PITPNC1: variants seen among roughly 807,000 people sequenced by gnomAD.
The protein encoded by PITPNC1 is phosphatidylinositol transfer protein cytoplasmic 1.
Under a neutral mutation model 44.7 loss-of-function variants are expected in PITPNC1, and 18 were observed. The observed-to-expected ratio is 0.40, with a 90% confidence interval of 0.28 to 0.60. The LOEUF (loss-of-function observed/expected upper bound fraction) is 0.60. Among genes scored for constraint, PITPNC1 ranks in the 20% least tolerant of loss-of-function variants. The pLI is 0.39. For missense variants in PITPNC1, 290 were observed against 418.4 expected, an observed-to-expected ratio of 0.69 and a Z score of 2.68; for synonymous variants, 141 against 149.6, an observed-to-expected ratio of 0.94 and a Z score of 0.42.
chr17:67,444,436 G>C (rs983524411), intron 1 of PITPNC1, among the ~76,000 whole-genome samples: 1 of 152,076 alleles, frequency 6.6e-6, no homozygotes, highest in Admixed American at 6.6e-5. Context: ...GTGGCGGAGG[G>C]GGGTGAGCAG....
At position 67,635,987 on chromosome 17, in the gene PITPNC1, G is replaced by A. The variant is rs574867948; in HGVS notation, c.462+3749G>A. Among the ~76,000 whole-genome samples, 12 of 152,246 alleles carry A rather than the reference G, an allele frequency of 7.9e-5. No individual in the cohort carries two copies. In the South Asian group the frequency reaches 2.3e-3, roughly 29 times the overall value. On this transcript the variant is annotated intron_variant, in intron 6 of 8. Coordinates refer to ENST00000581322, the MANE Select transcript of PITPNC1 (RefSeq NM_012417.4). ...GCTAAAATCCTCTACAGCACAGAAA[G>A]CCCCTCACAACAAAGAATTATCTGG...
chr17:67,494,189 C>CTTTCTTTCTTTCTTTCTTTCTTTCTTTCT lies in PITPNC1; in HGVS notation c.49-38586_49-38585insCTTTTCTTTCTTTCTTTCTTTCTTTCTTT, dbSNP rs1568012897. Among the ~76,000 whole-genome samples, 28 of 62,134 alleles carry CTTTCTTTCTTTCTTTCTTTCTTTCTTTCT rather than the reference C, an allele frequency of 4.5e-4. 4 individuals are homozygous for CTTTCTTTCTTTCTTTCTTTCTTTCTTTCT. Among genetic ancestry groups the CTTTCTTTCTTTCTTTCTTTCTTTCTTTCT allele is most frequent in the African/African-American group, 1.4e-3 (27 of 19,514 alleles). 40.8% of individuals were successfully genotyped at this position (62,134 alleles called of 152,430 possible). ...TTTCTTTCTTTCTTTCTTTCTTTTT[C>CTTTCTTTCTTTCTTTCTTTCTTTCTTTCT]TTTCTTTCTTTCTTTCTTTCTTTCT... On this transcript the variant is annotated intron_variant, in intron 1 of 8. Transcript: ENST00000581322.
chr17:67,388,119 G>A (rs901256896), intron 1 of PITPNC1, among the ~76,000 whole-genome samples: 3 of 151,966 alleles, frequency 2.0e-5, no homozygotes, highest in African/African-American at 4.8e-5. Context: ...TCCTGTAAAA[G>A]GTTTAAAATT....
chr17:67,379,408 A>G (rs778303155), intron 1 of PITPNC1: 10 of 981,156 alleles, frequency 1.0e-5, no homozygotes, highest in Non-Finnish European at 1.2e-5. Flanking sequence ...ACCCAAGTAC[A>G]ATCCAAGACA....
chr17:67,449,079 C>A (rs377267540), intron 1 of PITPNC1, among the ~76,000 whole-genome samples: 59 of 152,314 alleles, frequency 3.9e-4, no homozygotes, highest in African/African-American at 1.2e-3. Flanking sequence ...GTACATTGAT[C>A]TTCTAAGTAT....
chr17:67,510,168 A>C (rs771105951), intron 1 of PITPNC1, among the ~76,000 whole-genome samples: 1 of 152,146 alleles, frequency 6.6e-6, no homozygotes, highest in Non-Finnish European at 1.5e-5. Flanking sequence ...TGGGCAACAC[A>C]TTTGTCCTTC....
intron 1 of PITPNC1, among the ~76,000 whole-genome samples, chr17:67,513,197 C>T (rs545616489): frequency 4.2e-4 from 64 of 152,038 alleles, no homozygotes; most frequent in African/African-American, 1.4e-3. Flanking sequence ...AACCCCATCT[C>T]TACTAAAAAT....
At chr17:67,471,557 CT>C in intron 1 of PITPNC1, 2 of 382,316 alleles carry the variant, frequency 5.2e-6, no homozygotes, top group South Asian at 2.0e-5. Flanking sequence ...ACCACAATTA[CT>C]TTTGCACCAA....
intron 6 of PITPNC1, among the ~76,000 whole-genome samples, chr17:67,660,255 C>A (rs2042324171): frequency 6.6e-6 from 1 of 152,116 alleles, no homozygotes; most frequent in Admixed American, 6.6e-5. Flanking sequence ...TCTTTTTACT[C>A]TCAATGGCAT....
chr17:67,392,169 A>G (rs1290953229), intron 1 of PITPNC1, among the ~76,000 whole-genome samples: 1 of 152,212 alleles, frequency 6.6e-6, no homozygotes. Flanking sequence ...AAGCGATACC[A>G]TCATGTCTTT....
rs372630500 is a variant in PITPNC1 at position 67,507,839 on chromosome 17, C to G, written c.49-24963C>G. Among the ~76,000 whole-genome samples the G allele has an allele frequency of 2.6e-5, 4 of 152,068 alleles. No homozygotes were observed. In the East Asian group the frequency reaches 5.8e-4, roughly 22 times the overall value. ...CCTGGGTTTTTCTTCCTTCCCCTAC[C>G]CCTTCACTGTTGTTGCTCCTGGGTA... On this transcript the variant is annotated intron_variant, in intron 1 of 8. Transcript: ENST00000581322.
chr17:67,406,286 T>G (rs1851884699), intron 1 of PITPNC1, among the ~76,000 whole-genome samples: 2 of 151,294 alleles, frequency 1.3e-5, no homozygotes. Flanking sequence ...GGATTTCAGG[T>G]GTGTGTCACC....
intron 8 of PITPNC1, among the ~76,000 whole-genome samples, chr17:67,680,201 G>A (rs1240820176): frequency 6.6e-6 from 1 of 152,150 alleles, no homozygotes; most frequent in Non-Finnish European, 1.5e-5. Flanking sequence ...GCTTGTATTC[G>A]TTTATCTGGG....
intron 5 of PITPNC1, among the ~76,000 whole-genome samples, chr17:67,619,939 T>A (rs990703114): frequency 3.3e-5 from 5 of 152,138 alleles, no homozygotes; most frequent in Non-Finnish European, 7.3e-5. Context: ...CAAAATCCCA[T>A]AACTAAAACA....
At chr17:67,459,267 G>T (rs2039302526) in intron 1 of PITPNC1, among the ~76,000 whole-genome samples, 1 of 151,900 alleles carries the variant, frequency 6.6e-6, no homozygotes, top group Non-Finnish European at 1.5e-5. Context: ...ACAGGTGTGG[G>T]CCACCACATC....
intron 5 of PITPNC1, chr17:67,612,813 C>T (rs1417033826): frequency 1.3e-5 from 2 of 152,300 alleles, no homozygotes; most frequent in East Asian, 3.8e-4. Flanking sequence ...GGGATTCAAA[C>T]GTCTATCAGG....
In PITPNC1 at chr17:67,393,261, A is replaced by C. The variant is rs967024741; in HGVS notation, c.48+15059A>C. Among the ~76,000 whole-genome samples the C allele has an allele frequency of 7.9e-5, 12 of 152,140 alleles. 1 individual carries two copies. Among genetic ancestry groups the C allele is most frequent in the African/African-American group, 2.9e-4 (12 of 41,422 alleles). On this transcript the variant is annotated intron_variant, in intron 1 of 8. Transcript: ENST00000581322. ...TGTTGTCCAGCCATCACCACCGCCC[A>C]TCTTCAGAACAGTTTTCATCTTGCA...
intron 5 of PITPNC1, among the ~76,000 whole-genome samples, chr17:67,580,264 G>A (rs2041211350): frequency 1.3e-5 from 2 of 152,082 alleles, no homozygotes; most frequent in South Asian, 2.1e-4. Flanking sequence ...CTCTTTTCAC[G>A]TAGCTGTGGA....
intron 1 of PITPNC1, among the ~76,000 whole-genome samples, chr17:67,512,896 A>G (rs73351624): frequency 1.3e-5 from 2 of 152,092 alleles, no homozygotes; most frequent in African/African-American, 4.8e-5. Context: ...GAGTTATTCA[A>G]TATATCCGGA....
Sources: allele counts gnomAD v4.1 joint callset (sites outside exome capture counted in the v4.1 genomes callset), GRCh38; gene constraint gnomAD v4.1.1; transcripts MANE v1.5; gene names NCBI Gene and HGNC (gene_info 2026-07-23, HGNC 2026-07-21).